Variants in GRIA1 observed in about 807,000 individuals in gnomAD.
GRIA1 encodes glutamate receptor 1.
Under a neutral mutation model 99.2 loss-of-function variants are expected in GRIA1, and 31 were observed. The ratio of observed to expected loss-of-function variants is 0.31; its 90% CI spans 0.23 to 0.42. GRIA1 has a LOEUF of 0.42. GRIA1 is among the 10% of genes least tolerant of loss of function. The pLI is 1.00. For missense variants in GRIA1, 782 were observed against 1,157.5 expected (o/e 0.68, Z 4.71); for synonymous variants, 438 against 432.4 (o/e 1.01, Z -0.16).
intron 11 of GRIA1, among the ~76,000 whole-genome samples, chr5:153,743,464 A>G (rs1014000089): frequency 6.6e-6 from 1 of 152,082 alleles, no homozygotes; most frequent in Non-Finnish European, 1.5e-5. Flanking sequence ...TTCTTTTATT[A>G]GCAAAATTCA....
At chr5:153,733,411 A>G (rs549809367) in intron 11 of GRIA1, among the ~76,000 whole-genome samples, 5 of 152,266 alleles carry the variant, frequency 3.3e-5, no homozygotes, top group African/African-American at 1.2e-4. Context: ...AAGGCATACC[A>G]CTACAGAAAA....
chr5:153,514,672 T>A (rs971990442), intron 2 of GRIA1, among the ~76,000 whole-genome samples: 7 of 152,200 alleles, frequency 4.6e-5, no homozygotes, highest in Non-Finnish European at 1.0e-4. Flanking sequence ...CTGTTTGGGA[T>A]TTTTTTGTAG....
rs1288874509 is a variant in GRIA1, at chr5:153,813,664, A to G, written c.*2439A>G. The G allele has an allele frequency of 6.6e-6, 1 of 152,158 alleles. No homozygotes were observed. The highest frequency in any genetic ancestry group is 2.4e-5 in the African/African-American group (1 of 41,430). The allele number at this position is 152,158 out of a possible 1,614,324, so 9.4% of individuals were successfully genotyped here. ...TACTTAACAGTTCTGGCTTTCATTAAATTTTGCTCTTTGGTACCTGGGCCT... is the reference window on the plus strand; with the variant it reads ...TACTTAACAGTTCTGGCTTTCATTAGATTTTGCTCTTTGGTACCTGGGCCT... On this transcript the variant is annotated 3_prime_UTR_variant, in exon 16 of 16. Transcript: ENST00000285900.
intron 2 of GRIA1, among the ~76,000 whole-genome samples, chr5:153,532,996 C>T (rs1285197271): frequency 6.6e-6 from 1 of 152,148 alleles, no homozygotes; most frequent in Non-Finnish European, 1.5e-5. Context: ...TTGTTAGTAA[C>T]ATCATCAAAT....
At chr5:153,565,880 A>G (rs1177335800) in intron 2 of GRIA1, among the ~76,000 whole-genome samples, 1 of 152,132 alleles carries the variant, frequency 6.6e-6, no homozygotes, top group African/African-American at 2.4e-5. Context: ...ATTAGTTGAT[A>G]GACATTTGAG....
At chr5:153,519,692 A>T (rs1756960625) in intron 2 of GRIA1, among the ~76,000 whole-genome samples, 1 of 152,168 alleles carries the variant, frequency 6.6e-6, no homozygotes, top group Admixed American at 6.5e-5. Context: ...GCATGCTTCA[A>T]CCAGCAAAGG....
intron 2 of GRIA1, among the ~76,000 whole-genome samples, chr5:153,539,659 G>A (rs1018387339): frequency 6.6e-6 from 1 of 152,178 alleles, no homozygotes; most frequent in Non-Finnish European, 1.5e-5. Context: ...TCACGGGCAA[G>A]CTGCACCTGA....
chr5:153,677,487 T>G (rs1756674524), intron 7 of GRIA1, among the ~76,000 whole-genome samples: 2 of 152,230 alleles, frequency 1.3e-5, no homozygotes, highest in Non-Finnish European at 2.9e-5. Context: ...AATGGTCTCC[T>G]GGAAACACTC....
At chr5:153,694,124 A>T (rs1370099292) in intron 8 of GRIA1, among the ~76,000 whole-genome samples, 4 of 152,238 alleles carry the variant, frequency 2.6e-5, no homozygotes, top group Admixed American at 2.0e-4. Context: ...AAGCCAAGCT[A>T]TACCACATTT....
intron 11 of GRIA1, among the ~76,000 whole-genome samples, chr5:153,719,060 G>A (rs1415472585): frequency 6.6e-6 from 1 of 152,002 alleles, no homozygotes; most frequent in Non-Finnish European, 1.5e-5. Flanking sequence ...CTGAGCACCT[G>A]GTTTTGTTTC....
At chr5:153,786,882 G>C (rs577120209) in intron 13 of GRIA1, among the ~76,000 whole-genome samples, 1 of 152,188 alleles carries the variant, frequency 6.6e-6, no homozygotes, top group African/African-American at 2.4e-5. Context: ...ATGCCCAGCA[G>C]CCTGGTCTGA....
intron 12 of GRIA1, among the ~76,000 whole-genome samples, chr5:153,768,056 G>A (rs1012717946): frequency 2.0e-5 from 3 of 152,180 alleles, no homozygotes; most frequent in Non-Finnish European, 4.4e-5. Flanking sequence ...AGGTCAAATT[G>A]CATCTTGCAA....
chr5:153,490,992 G>A (rs1276441709), intron 1 of GRIA1, 22 bp downstream of exon 1: 1 of 1,607,600 alleles, frequency 6.2e-7, no homozygotes, highest in East Asian at 2.2e-5. Context: ...GGCAGCCTGG[G>A]GAGGGACTTT....
At chr5:153,598,222 A>G (rs1044608868) in intron 2 of GRIA1, among the ~76,000 whole-genome samples, 13 of 152,064 alleles carry the variant, frequency 8.5e-5, no homozygotes, top group African/African-American at 3.1e-4. Flanking sequence ...TCAAAGTAGT[A>G]TACTCAAACT....
intron 2 of GRIA1, among the ~76,000 whole-genome samples, chr5:153,590,297 C>T (rs1763851646): frequency 1.3e-5 from 2 of 152,124 alleles, no homozygotes; most frequent in South Asian, 2.1e-4. Flanking sequence ...CTTTATTATA[C>T]CAAGTTCACA....
intron 2 of GRIA1, among the ~76,000 whole-genome samples, chr5:153,537,533 A>T (rs558870267): frequency 2.9e-4 from 44 of 152,216 alleles, no homozygotes; most frequent in African/African-American, 6.7e-4. Flanking sequence ...CTGCCTAAGC[A>T]TTGTCTGTGA....
At chr5:153,497,675 A>G (rs907350268) in intron 2 of GRIA1, among the ~76,000 whole-genome samples, 1 of 152,156 alleles carries the variant, frequency 6.6e-6, no homozygotes, top group East Asian at 1.9e-4. Context: ...GAGGAATTCT[A>G]TAGCAATTAT....
intron 2 of GRIA1, among the ~76,000 whole-genome samples, chr5:153,547,684 T>C (rs4958344): frequency 0.4 from 60,248 of 152,094 alleles, 13,104 homozygotes; most frequent in East Asian, 0.71. Flanking sequence ...AGCTAGTTAC[T>C]TGTAACACAG....
chr5:153,738,080 AAGAAAC>A (rs1761515629), intron 11 of GRIA1, among the ~76,000 whole-genome samples: 1 of 152,228 alleles, frequency 6.6e-6, no homozygotes, highest in African/African-American at 2.4e-5. Context: ...AACAGCGACT[AAGAAAC>A]AGAGACACAG....
Sources: gnomAD v4.1 joint callset for allele counts (sites outside exome capture counted in the v4.1 genomes callset) on GRCh38, gnomAD v4.1.1 for gene constraint, MANE v1.5 for transcripts, NCBI Gene and HGNC (gene_info 2026-07-23, HGNC 2026-07-21) for gene names.